CACNB4: variants seen among roughly 807,000 people sequenced by gnomAD.
CACNB4 encodes voltage-dependent L-type calcium channel subunit beta-4.
A neutral mutation model predicts 71.2 loss-of-function variants in CACNB4; 32 were observed. The ratio of observed to expected loss-of-function variants is 0.45; its 90% CI spans 0.34 to 0.60. The LOEUF (loss-of-function observed/expected upper bound fraction) is 0.60, where lower values mean the gene tolerates loss of function less well. CACNB4 is among the 20% of genes least tolerant of loss of function. CACNB4 has a pLI of 0.01. For synonymous variants in CACNB4, 231 were observed against 236.9 expected (o/e 0.97, Z 0.23); for missense variants, 464 against 647.9 (o/e 0.72, Z 3.08).
intron 2 of CACNB4, among the ~76,000 whole-genome samples, chr2:151,934,150 A>T (rs2099862340): frequency 6.6e-6 from 1 of 152,264 alleles, no homozygotes; most frequent in African/African-American, 2.4e-5. Flanking sequence ...TGTCTCCACC[A>T]GTGTGATCAC....
intron 2 of CACNB4, chr2:151,967,470 A>T (rs1218476227): frequency 1.3e-5 from 2 of 152,028 alleles, no homozygotes; most frequent in Non-Finnish European, 2.9e-5. Flanking sequence ...AGAAGGCAAA[A>T]TTTTTTAAGT....
intron 2 of CACNB4, among the ~76,000 whole-genome samples, chr2:152,086,856 C>T (rs1027706420): frequency 2.6e-5 from 4 of 152,156 alleles, no homozygotes; most frequent in Non-Finnish European, 5.9e-5. Flanking sequence ...TGTGGCCGGG[C>T]GCGGTGGCTC....
At chr2:152,036,526 C>A (rs935476759) in intron 2 of CACNB4, among the ~76,000 whole-genome samples, 2 of 152,152 alleles carry the variant, frequency 1.3e-5, no homozygotes, top group Admixed American at 1.3e-4. Flanking sequence ...TCTCGAACTC[C>A]TGACCTTAGG....
chr2:151,929,390 T>C (rs1481965223), intron 2 of CACNB4, among the ~76,000 whole-genome samples: 1 of 152,238 alleles, frequency 6.6e-6, no homozygotes, highest in African/African-American at 2.4e-5. Context: ...TTCTCTGATA[T>C]TTTTCTATTC....
Position 152,073,286 on chromosome 2 carries a change from C to T in CACNB4, c.147+25044G>A, listed in dbSNP as rs190665947. Among the ~76,000 whole-genome samples the T allele has an allele frequency of 1.7e-3, 256 of 152,232 alleles. 1 individual carries two copies. Among genetic ancestry groups the T allele is most frequent in the Non-Finnish European group, 2.0e-3 (137 of 67,998 alleles). On this transcript the variant is annotated intron_variant, in intron 2 of 13. Coordinates refer to ENST00000539935, the MANE Select transcript of CACNB4 (RefSeq NM_000726.5). ...GATTTCCTTATTGAAGGGAGCCAGT[C>T]GAGAAGGAAAGACCATCTTCCTTGT...
intron 2 of CACNB4, among the ~76,000 whole-genome samples, chr2:151,913,297 C>A (rs995543254): frequency 1.3e-5 from 2 of 152,102 alleles, no homozygotes; most frequent in Non-Finnish European, 1.5e-5. Context: ...TTTGCAGTGC[C>A]TGGTACTGGT....
intron 9 of CACNB4, among the ~76,000 whole-genome samples, chr2:151,864,058 T>A (rs2099842453): frequency 6.6e-6 from 1 of 152,154 alleles, no homozygotes; most frequent in South Asian, 2.1e-4. Context: ...GCTTATATAC[T>A]TTTTTTAACT....
At chr2:152,042,638 G>T (rs1374165095) in intron 2 of CACNB4, among the ~76,000 whole-genome samples, 1 of 152,010 alleles carries the variant, frequency 6.6e-6, no homozygotes, top group Non-Finnish European at 1.5e-5. Flanking sequence ...AAGAAAAATG[G>T]CACTTTATAT....
chr2:151,856,557 C>T (rs1453535973), intron 10 of CACNB4: 3 of 152,144 alleles, frequency 2.0e-5, no homozygotes, highest in Admixed American at 1.3e-4. Context: ...AGTGATGCAC[C>T]CACCTTGGTC....
intron 2 of CACNB4, among the ~76,000 whole-genome samples, chr2:151,885,665 G>A (rs991114986): frequency 2.0e-5 from 3 of 152,146 alleles, no homozygotes; most frequent in Non-Finnish European, 4.4e-5. Context: ...CTATAAACCT[G>A]ATAACCGCAA....
intron 2 of CACNB4, among the ~76,000 whole-genome samples, chr2:151,936,598 G>GT (rs2099862972): frequency 6.6e-6 from 1 of 152,180 alleles, no homozygotes; most frequent in African/African-American, 2.4e-5. Context: ...CTGTGCCTCG[G>GT]ATGTCCTGTG....
chr2:151,897,300 C>G (rs1191977474), intron 2 of CACNB4, among the ~76,000 whole-genome samples: 1 of 152,126 alleles, frequency 6.6e-6, no homozygotes, highest in East Asian at 1.9e-4. Flanking sequence ...AGATGTCAGC[C>G]TAGTGCCAGG....
chr2:152,052,088 G>A (rs1337489273), intron 2 of CACNB4, among the ~76,000 whole-genome samples: 5 of 138,282 alleles, frequency 3.6e-5, no homozygotes, highest in Non-Finnish European at 7.4e-5. Context: ...ACATCCCATT[G>A]AAAATACCAT....
intron 2 of CACNB4, among the ~76,000 whole-genome samples, chr2:152,051,563 C>T (rs1185261502): frequency 6.6e-6 from 1 of 152,114 alleles, no homozygotes; most frequent in Non-Finnish European, 1.5e-5. Flanking sequence ...CAGGAGAGGG[C>T]TTGCTTCCTC....
chr2:151,892,010 C>T (rs181224389), intron 2 of CACNB4, among the ~76,000 whole-genome samples: 360 of 152,268 alleles, frequency 2.4e-3, no homozygotes, highest in Non-Finnish European at 3.6e-3. Flanking sequence ...GGCACAAGGT[C>T]TTCATTCCAG....
chr2:151,908,490 C>G (rs1035780331), intron 2 of CACNB4, among the ~76,000 whole-genome samples: 5 of 152,110 alleles, frequency 3.3e-5, no homozygotes, highest in Admixed American at 6.6e-5. Context: ...CTGGCATTGT[C>G]AACCCTGCTT....
chr2:151,976,999 T>C (rs1375298723), intron 2 of CACNB4, among the ~76,000 whole-genome samples: 2 of 152,142 alleles, frequency 1.3e-5, no homozygotes, highest in South Asian at 2.1e-4. Flanking sequence ...TCCAGCTGAA[T>C]GATGGTCAAG....
At position 151,853,275 on chromosome 2, in the gene CACNB4, G is replaced by A; in HGVS notation, c.1116+173C>T. The A allele has an allele frequency of 5.6e-6, 3 of 534,900 alleles. No homozygotes were observed. The South Asian group carries it at 7.5e-5, about 13-fold the overall frequency. The allele number at this position is 534,900 out of a possible 1,614,324, so 33.1% of individuals were successfully genotyped here. A position where few individuals can be genotyped will look rare whatever the true frequency, so the allele number is the denominator to read the frequency against. On this transcript the variant is annotated intron_variant, in intron 12 of 13. Coordinates refer to ENST00000539935, the MANE Select transcript of CACNB4 (RefSeq NM_000726.5). ...TACAAGGCAAACACCATCCACATCT[G>A]GATGCCTGAATACAAGCAACATAAC...
At chr2:151,847,947 G>C (rs1300656310) in intron 12 of CACNB4, among the ~76,000 whole-genome samples, 3 of 152,142 alleles carry the variant, frequency 2.0e-5, no homozygotes, top group Non-Finnish European at 2.9e-5. Flanking sequence ...CATAATTCTT[G>C]CCAGTAATTG....
Sources: allele counts gnomAD v4.1 joint callset (sites outside exome capture counted in the v4.1 genomes callset), GRCh38; gene constraint gnomAD v4.1.1; transcripts MANE v1.5; gene names NCBI Gene and HGNC (gene_info 2026-07-23, HGNC 2026-07-21).